The following CNTNAP5 variants were observed in gnomAD, a reference collection of about 807,000 sequenced individuals.
CNTNAP5 encodes contactin associated protein family member 5.
In CNTNAP5, 72 loss-of-function variants were observed where a neutral mutation model predicts 150.2. The observed-to-expected ratio is 0.48, with a 90% CI of 0.40 to 0.58. The LOEUF (loss-of-function observed/expected upper bound fraction) is 0.58, where lower values mean the gene tolerates loss of function less well. Among genes scored for constraint, CNTNAP5 ranks in the 20% least tolerant of loss-of-function variants. The probability of loss-of-function intolerance (pLI) is 0.00; values close to 1 mark genes in which losing one functional copy is unlikely to be tolerated. For missense variants in CNTNAP5, 1,636 were observed against 1,626.2 expected (o/e 1.01, Z -0.10); for synonymous variants, 672 against 619.8 (o/e 1.08, Z -1.25).
chr2:124,059,951 C>T (rs1314707098), intron 1 of CNTNAP5, among the ~76,000 whole-genome samples: 3 of 152,124 alleles, frequency 2.0e-5, no homozygotes, highest in African/African-American at 7.2e-5. Flanking sequence ...TTTCTTCTCA[C>T]AAACATGGTT....
At chr2:124,807,802 C>A (rs1378005052) in intron 19 of CNTNAP5, among the ~76,000 whole-genome samples, 3 of 152,168 alleles carry the variant, frequency 2.0e-5, no homozygotes, top group Non-Finnish European at 4.4e-5. Flanking sequence ...ACTTCCTGTG[C>A]ACCCCACCAC....
intron 10 of CNTNAP5, among the ~76,000 whole-genome samples, chr2:124,536,359 G>A (rs1385793215): frequency 6.6e-6 from 1 of 152,126 alleles, no homozygotes; most frequent in East Asian, 1.9e-4. Context: ...CAGCATCGGT[G>A]TCACCTGGCA....
intron 3 of CNTNAP5, among the ~76,000 whole-genome samples, chr2:124,363,481 C>G (rs1690274437): frequency 6.6e-6 from 1 of 152,188 alleles, no homozygotes; most frequent in Admixed American, 6.5e-5. Flanking sequence ...GATTGCACTT[C>G]CATTCTTCCA....
At chr2:124,355,959 G>A (rs958855882) in intron 3 of CNTNAP5, among the ~76,000 whole-genome samples, 7 of 152,112 alleles carry the variant, frequency 4.6e-5, no homozygotes, top group African/African-American at 1.4e-4. Context: ...CAAATGAAAT[G>A]GAAATGATTC....
chr2:124,515,311 C>G (rs545377749), intron 8 of CNTNAP5, among the ~76,000 whole-genome samples: 6 of 152,148 alleles, frequency 3.9e-5, no homozygotes, highest in Non-Finnish European at 8.8e-5. Context: ...AAACGTGACT[C>G]AAACTCTGAC....
intron 12 of CNTNAP5, among the ~76,000 whole-genome samples, chr2:124,638,541 TG>T (rs1678020991): frequency 6.6e-6 from 1 of 152,208 alleles, no homozygotes; most frequent in Non-Finnish European, 1.5e-5. Context: ...ATTCAACTTT[TG>T]GACTTGCCTT....
intron 13 of CNTNAP5, among the ~76,000 whole-genome samples, chr2:124,724,673 A>G (rs1019029594): frequency 6.6e-6 from 1 of 151,958 alleles, no homozygotes; most frequent in Admixed American, 6.6e-5. Flanking sequence ...TCTGTAAAGC[A>G]TTTGACCATA....
At chr2:124,813,556 G>T (rs1367917708) in intron 19 of CNTNAP5, among the ~76,000 whole-genome samples, 1 of 147,748 alleles carries the variant, frequency 6.8e-6, no homozygotes, top group Non-Finnish European at 1.5e-5. Context: ...TACTTACAGG[G>T]GCAACTTTAC....
chr2:124,085,196 A>T (rs574175376), intron 1 of CNTNAP5, among the ~76,000 whole-genome samples: 1 of 152,136 alleles, frequency 6.6e-6, no homozygotes, highest in African/African-American at 2.4e-5. Context: ...CTGGGATTAT[A>T]GGCATGAGCC....
intron 1 of CNTNAP5, among the ~76,000 whole-genome samples, chr2:124,036,826 T>C (rs747088914): frequency 1.1e-4 from 17 of 152,138 alleles, no homozygotes; most frequent in Admixed American, 4.6e-4. Context: ...GGTGTGGTAA[T>C]TTACCCAAGA....
At chr2:124,172,484 C>A (rs1423846425) in intron 1 of CNTNAP5, among the ~76,000 whole-genome samples, 1 of 152,188 alleles carries the variant, frequency 6.6e-6, no homozygotes, top group Non-Finnish European at 1.5e-5. Context: ...CGAGTCTGGG[C>A]TCACTGCCAC....
chr2:124,326,470 C>T (rs1689220220), intron 3 of CNTNAP5, among the ~76,000 whole-genome samples: 2 of 151,998 alleles, frequency 1.3e-5, no homozygotes, highest in African/African-American at 4.8e-5. Flanking sequence ...CTGTGCTTGA[C>T]AGAGAAAAAA....
At chr2:124,595,677 CT>C (rs772058784) in intron 11 of CNTNAP5, among the ~76,000 whole-genome samples, 173 of 4,296 alleles carry the variant, frequency 0.04, 2 homozygotes, top group Non-Finnish European at 0.059. Flanking sequence ...AGGATTCCCT[CT>C]TTTTCTATTG....
rs75218029 is a variant in CNTNAP5 at position 124,823,305 on chromosome 2, T to C, written c.3217+24985T>C. ...AATATTTCATTGTCCTGTTGATCTT[T>C]AGAGCCATTCACTATATATTTACAA... On this transcript the variant is annotated intron_variant, in intron 19 of 23. Coordinates refer to ENST00000682447, the MANE Select transcript of CNTNAP5 (RefSeq NM_001367498.1). Among the ~76,000 whole-genome samples, 5 of 152,298 alleles carry C rather than the reference T, an allele frequency of 3.3e-5. No individual in the cohort carries two copies. The East Asian group carries it at 9.7e-4, about 29-fold the overall frequency.
intron 12 of CNTNAP5, among the ~76,000 whole-genome samples, chr2:124,611,371 G>A (rs1041383042): frequency 9.9e-5 from 15 of 152,200 alleles, no homozygotes; most frequent in Non-Finnish European, 1.3e-4. Context: ...TGCTGTCTGC[G>A]TAGAAAATGC....
chr2:124,891,669 G>A (rs976265291), intron 21 of CNTNAP5, among the ~76,000 whole-genome samples: 1 of 152,144 alleles, frequency 6.6e-6, no homozygotes, highest in African/African-American at 2.4e-5. Context: ...TTGAAGGCAG[G>A]TGTAGAGAAG....
At chr2:124,252,246 C>G (rs1687199036) in intron 3 of CNTNAP5, among the ~76,000 whole-genome samples, 1 of 152,164 alleles carries the variant, frequency 6.6e-6, no homozygotes, top group African/African-American at 2.4e-5. Flanking sequence ...TTGGGCGGGG[C>G]ATCCTAAACC....
At chr2:124,716,449 G>A (rs1401893628) in intron 13 of CNTNAP5, among the ~76,000 whole-genome samples, 1 of 151,880 alleles carries the variant, frequency 6.6e-6, no homozygotes, top group Non-Finnish European at 1.5e-5. Context: ...GATAAATAAA[G>A]CATAGCAGTA....
intron 19 of CNTNAP5, among the ~76,000 whole-genome samples, chr2:124,810,358 A>G (rs1682181259): frequency 6.6e-6 from 1 of 152,088 alleles, no homozygotes; most frequent in African/African-American, 2.4e-5. Context: ...TGTTGACAGG[A>G]GATTTCAGGT....
Sources: allele counts gnomAD v4.1 joint callset (sites outside exome capture counted in the v4.1 genomes callset), GRCh38; gene constraint gnomAD v4.1.1; transcripts MANE v1.5; gene names NCBI Gene and HGNC (gene_info 2026-07-23, HGNC 2026-07-21).